XRCC1: variants seen among roughly 807,000 people sequenced by gnomAD.
XRCC1 encodes the protein X-ray repair cross complementing 1, also known as DNA repair protein XRCC1.
XRCC1 carries 52 observed loss-of-function variants against 83.3 expected under a neutral mutation model. The ratio of observed to expected loss-of-function variants is 0.62; its 90% CI spans 0.50 to 0.79. XRCC1 has a LOEUF of 0.79. Ranked by LOEUF, XRCC1 falls within the 30% of genes least tolerant of loss-of-function variation. XRCC1 has a pLI of 0.00. For synonymous variants in XRCC1, 281 were observed against 312.6 expected, an observed-to-expected ratio of 0.90 and a Z score of 1.07; for missense variants, 793 against 823.5, an observed-to-expected ratio of 0.96 and a Z score of 0.45.
intron 10 of XRCC1, among the ~76,000 whole-genome samples, chr19:43,548,271 G>A (rs1972538313): frequency 6.6e-6 from 1 of 152,116 alleles, no homozygotes; most frequent in African/African-American, 2.4e-5. Flanking sequence ...CGTCTGGGAG[G>A]TGTACCCAAC....
At chr19:43,566,878 C>CAA (rs76309782) in intron 2 of XRCC1, among the ~76,000 whole-genome samples, 16,865 of 97,550 alleles carry the variant, frequency 0.17, 1,902 homozygotes, top group Non-Finnish European at 0.2. Context: ...GACTCAATCT[C>CAA]AAAAAAAAAA....
intron 2 of XRCC1, among the ~76,000 whole-genome samples, chr19:43,573,973 C>T (rs966842898): frequency 2.0e-5 from 3 of 152,176 alleles, no homozygotes; most frequent in Admixed American, 2.0e-4. Flanking sequence ...CAGAGCCTGC[C>T]TCTTGGGGTT....
rs760399196 is a variant in XRCC1, at chr19:43,553,436, G to A, written c.566C>T (p.Ala189Val). 1.2e-6 allele frequency: 2 copies of A among 1,614,144 alleles called. No individual in the cohort carries two copies. The highest frequency in any genetic ancestry group is 3.3e-5 in the Admixed American group (2 of 60,018). The part of the protein sequence containing the change: ...DESANSLRPG[A>V]LFFSRINKTS... Reference sequence around the variant, plus strand: ...CTTGTTGATCCGGCTGAAGAAGAGAGCCCCCGGCCTCAGAGAGTTGGCGCT... The same window carrying A: ...CTTGTTGATCCGGCTGAAGAAGAGAACCCCCGGCCTCAGAGAGTTGGCGCT... The change falls in exon 6 of 17, where the codon GCT (alanine) becomes GTT (valine). Residue 189 changes from alanine to valine, a missense_variant. By Grantham distance (64) the Ala-to-Val change is moderately conservative (BLOSUM62 0). Coordinates refer to ENST00000262887, the MANE Select transcript of XRCC1 (RefSeq NM_006297.3).
At chr19:43,571,599 G>A (rs1367697124) in intron 2 of XRCC1, among the ~76,000 whole-genome samples, 1 of 152,202 alleles carries the variant, frequency 6.6e-6, no homozygotes, top group Non-Finnish European at 1.5e-5. Flanking sequence ...GATCTTCCAG[G>A]CTCAAGTGAT....
intron 3 of XRCC1, among the ~76,000 whole-genome samples, chr19:43,558,233 G>A (rs1383615794): frequency 6.6e-6 from 1 of 152,160 alleles, no homozygotes; most frequent in Non-Finnish European, 1.5e-5. Flanking sequence ...TACTTGAGGG[G>A]CTGTGGAAGG....
chr19:43,546,721 G>C lies in XRCC1; in HGVS notation c.1300C>G (p.Gln434Glu). The C allele has an allele frequency of 6.2e-7, 1 of 1,608,254 alleles. No homozygotes were observed. Among genetic ancestry groups the C allele is most frequent in the Non-Finnish European group, 8.5e-7 (1 of 1,177,852 alleles). The change falls in exon 12 of 17, where the codon CAG (glutamine) becomes GAG (glutamate). Residue 434 changes from glutamine (Q) to glutamate (E), a missense_variant. Physicochemically the swap from Gln to Glu is conservative, Grantham distance 29. Coordinates refer to ENST00000262887, the MANE Select transcript of XRCC1 (RefSeq NM_006297.3). ...GCCTGAGTGGGCTTGGTTTTGGTCT[G>C]GGGTTGCTAAGGAGGGAGAGTGGGT... ...EAPKLPQKQP[Q>E]TKTKPTQAAG...
intron 3 of XRCC1, among the ~76,000 whole-genome samples, chr19:43,557,676 C>T (rs750347196): frequency 2.6e-5 from 4 of 151,114 alleles, no homozygotes; most frequent in Admixed American, 2.0e-4. Flanking sequence ...GCCTGTAATC[C>T]GAGCTACTTG....
At chr19:43,558,399 G>T (rs575122782) in intron 3 of XRCC1, among the ~76,000 whole-genome samples, 1 of 152,074 alleles carries the variant, frequency 6.6e-6, no homozygotes, top group South Asian at 2.1e-4. Context: ...ACTTTGGGAG[G>T]CCGCAGCAGG....
In XRCC1 at chr19:43,552,248, G is replaced by A. The variant is rs146168662; in HGVS notation, c.851C>T (p.Thr284Ile). Residue 284 changes from threonine to isoleucine, a missense_variant, in exon 9 of 17, where the codon ACA (threonine) becomes ATA (isoleucine). Thr to Ile is a moderately conservative substitution (Grantham distance 89, BLOSUM62 -1). Transcript: ENST00000262887. The part of the protein sequence containing the change: ...KLPAPTRTPA[T>I]APVPARAQGA... ...CTGTGCTCGGGCAGGGACTGGGGCT[G>A]TGGCTGGGGTACGAGTTGGAGCTGG... 3,683 of 1,610,874 alleles carry A rather than the reference G, an allele frequency of 2.3e-3. 13 individuals carry two copies. Among genetic ancestry groups the A allele is most frequent in the Non-Finnish European group, 2.3e-3 (2,667 of 1,178,968 alleles).
chr19:43,559,901 G>GA (rs750981340), intron 3 of XRCC1, among the ~76,000 whole-genome samples: 70 of 151,930 alleles, frequency 4.6e-4, no homozygotes, highest in Admixed American at 1.6e-3. Context: ...GCAACACAGT[G>GA]AAACCCTCTC....
At position 43,548,779 on chromosome 19, in the gene XRCC1, A is replaced by AAAAAAAAAAAAAAC. The variant is rs1213062759; in HGVS notation, c.1200-1803_1200-1802insGTTTTTTTTTTTTT. On this transcript the variant is annotated intron_variant, in intron 10 of 16. Transcript: ENST00000262887. ...CCCAAGAATGATCAAAAAAAAAAAA[A>AAAAAAAAAAAAAAC]AAAAAAACACAACAGTAGCAGGTTG... Among the ~76,000 whole-genome samples the AAAAAAAAAAAAAAC allele has an allele frequency of 1.1e-3, 161 of 141,700 alleles. 1 individual carries two copies. The highest frequency in any genetic ancestry group is 1.8e-3 in the Non-Finnish European group (114 of 65,022). The allele number at this position is 141,700 out of a possible 152,430, so 93.0% of individuals were successfully genotyped here. A position where few individuals can be genotyped will look rare whatever the true frequency, so the allele number is the denominator to read the frequency against.
In XRCC1 at chr19:43,546,645, G is replaced by A. The variant is rs765308319; in HGVS notation, c.1376C>T (p.Ala459Val). The change falls in exon 12 of 17, where the codon GCA becomes GTA. Residue 459 changes from alanine to valine, a missense_variant. Physicochemically the swap from Ala to Val is moderately conservative, Grantham distance 64. Coordinates refer to ENST00000262887, the MANE Select transcript of XRCC1 (RefSeq NM_006297.3). The part of the protein sequence containing the change: ...QKPPTPEETK[A>V]ASPVLQEDID... ...ATCTTCCTGGAGCACTGGTGAGGCT[G>A]CTTTGGTCTCTTCAGGGGTTGGGGG... 1.2e-6 allele frequency: 2 copies of A among 1,612,160 alleles called. No individual in the cohort carries two copies. The highest frequency in any genetic ancestry group is 2.2e-5 in the South Asian group (2 of 90,932).
chr19:43,567,564 G>A (rs1972766124), intron 2 of XRCC1, among the ~76,000 whole-genome samples: 1 of 152,094 alleles, frequency 6.6e-6, no homozygotes, highest in Non-Finnish European at 1.5e-5. Flanking sequence ...CACCCGCCTT[G>A]GCCTCCCAAA....
intron 10 of XRCC1, among the ~76,000 whole-genome samples, chr19:43,550,344 GT>G (rs1280797221): frequency 3.3e-5 from 5 of 152,036 alleles, no homozygotes; most frequent in African/African-American, 1.2e-4. Context: ...AGCGAAATGA[GT>G]TTGTGCTGAA....
At position 43,545,313 on chromosome 19, in the gene XRCC1, T is replaced by C. The variant is rs3213393; in HGVS notation, c.1621+505A>G. Among the ~76,000 whole-genome samples, 18 of 152,270 alleles carry C rather than the reference T, an allele frequency of 1.2e-4. No homozygotes were observed. The East Asian group carries it at 3.5e-3, about 29-fold the overall frequency. On this transcript the variant is annotated intron_variant, in intron 14 of 16. Coordinates refer to ENST00000262887, the MANE Select transcript of XRCC1 (RefSeq NM_006297.3). The stretch of plus-strand genomic sequence containing the variant: ...CTCCCTGCAGAGTTTCCCCATTTCC[T>C]TTTGTTCTTATTCTTTTACACTGGA...
chr19:43,561,149 G>A (rs1235189687), intron 2 of XRCC1, 129 bp from the exon 3 acceptor site: 1 of 737,240 alleles, frequency 1.4e-6, no homozygotes, highest in Non-Finnish European at 2.4e-6. Context: ...GCACACCAGG[G>A]TTGAATGGTG....
intron 9 of XRCC1, 112 bp downstream of exon 9, chr19:43,551,905 A>G: frequency 2.5e-6 from 3 of 1,210,796 alleles, no homozygotes; most frequent in Non-Finnish European, 2.4e-6. Context: ...AAAGCAAGTG[A>G]GAGAGAGAGA....
At chr19:43,544,840 G>GT (rs113870756) in intron 14 of XRCC1, among the ~76,000 whole-genome samples, 29,460 of 148,742 alleles carry the variant, frequency 0.2, 3,102 homozygotes, top group Non-Finnish European at 0.24. Context: ...AAAGGCGGGG[G>GT]TCGGGGGGGG....
chr19:43,548,593 TC>T, intron 10 of XRCC1, among the ~76,000 whole-genome samples: 1 of 152,090 alleles, frequency 6.6e-6, no homozygotes. Context: ...TTAAGAGTCA[TC>T]ACCACTCCCT....
Sources: gnomAD v4.1 joint callset for allele counts (sites outside exome capture counted in the v4.1 genomes callset) on GRCh38, gnomAD v4.1.1 for gene constraint, MANE v1.5 for transcripts, NCBI Gene and HGNC (gene_info 2026-07-23, HGNC 2026-07-21) for gene names.